Variants in DIAPH3 observed in about 807,000 individuals in gnomAD.
DIAPH3 encodes diaphanous related formin 3.
A neutral mutation model predicts 144.3 loss-of-function variants in DIAPH3; 117 were observed. The ratio of observed to expected loss-of-function variants is 0.81; its 90% CI spans 0.70 to 0.95. The LOEUF is 0.95. DIAPH3 is among the 40% of genes least tolerant of loss of function. The pLI, the probability that DIAPH3 is intolerant of heterozygous loss-of-function variation, is 0.00. For missense variants in DIAPH3, 1,421 were observed against 1,412.7 expected, an observed-to-expected ratio of 1.01 and a Z score of -0.09; for synonymous variants, 519 against 488.9, an observed-to-expected ratio of 1.06 and a Z score of -0.81.
intron 17 of DIAPH3, among the ~76,000 whole-genome samples, chr13:59,959,120 C>A (rs760923616): frequency 3.3e-5 from 5 of 152,122 alleles, no homozygotes; most frequent in African/African-American, 4.8e-5. Flanking sequence ...AGGTGCTCCA[C>A]CCACCTCAGC....
chr13:59,812,153 C>T (rs1034116120), intron 24 of DIAPH3, among the ~76,000 whole-genome samples: 1 of 152,048 alleles, frequency 6.6e-6, no homozygotes, highest in Non-Finnish European at 1.5e-5. Context: ...ACAAGTTCTT[C>T]ATTAAAAATC....
intron 15 of DIAPH3, among the ~76,000 whole-genome samples, chr13:59,973,298 T>C (rs2050491607): frequency 6.6e-6 from 1 of 152,078 alleles, no homozygotes; most frequent in South Asian, 2.1e-4. Context: ...AGTTCTTAAA[T>C]TTACGTTACC....
chr13:59,940,396 T>A (rs930335649), intron 17 of DIAPH3, among the ~76,000 whole-genome samples: 8 of 152,076 alleles, frequency 5.3e-5, no homozygotes, highest in African/African-American at 1.7e-4. Flanking sequence ...TGTCAGAAAG[T>A]AAAAGTTTTT....
chr13:60,126,314 A>G (rs1197977539), intron 2 of DIAPH3, among the ~76,000 whole-genome samples: 1 of 152,236 alleles, frequency 6.6e-6, no homozygotes, highest in African/African-American at 2.4e-5. Context: ...AAGAAGCAGC[A>G]TATGATTATA....
chr13:59,833,070 TA>T (rs749732852), intron 24 of DIAPH3, 36 bp downstream of exon 24: 176 of 1,520,226 alleles, frequency 1.2e-4, no homozygotes, highest in Middle Eastern at 3.7e-4. Context: ...ATAGTATAAA[TA>T]AAAAAACTTT....
chr13:59,714,186 C>T (rs986495078), intron 27 of DIAPH3, among the ~76,000 whole-genome samples: 5 of 151,652 alleles, frequency 3.3e-5, no homozygotes, highest in African/African-American at 7.3e-5. Flanking sequence ...CGGTGAAACC[C>T]CGTCTCTACT....
intron 7 of DIAPH3, among the ~76,000 whole-genome samples, chr13:60,011,523 C>A (rs918738116): frequency 6.6e-6 from 1 of 152,082 alleles, no homozygotes; most frequent in African/African-American, 2.4e-5. Flanking sequence ...AACATATAAC[C>A]AATATAAAAC....
chr13:59,981,414 A>C (rs577600475), intron 13 of DIAPH3, among the ~76,000 whole-genome samples: 8 of 151,444 alleles, frequency 5.3e-5, no homozygotes, highest in African/African-American at 1.9e-4. Flanking sequence ...ATATATACTA[A>C]AATTGTAAAT....
chr13:59,764,274 A>G (rs1053336409), intron 27 of DIAPH3, among the ~76,000 whole-genome samples: 46 of 151,908 alleles, frequency 3.0e-4, no homozygotes, highest in African/African-American at 1.1e-3. Context: ...GAGGCAGTAT[A>G]GCATAATGGT....
At chr13:59,856,750 G>A (rs2043276626) in intron 22 of DIAPH3, among the ~76,000 whole-genome samples, 1 of 152,154 alleles carries the variant, frequency 6.6e-6, no homozygotes, top group Non-Finnish European at 1.5e-5. Context: ...AGTACAGCTT[G>A]TAACAGTTAG....
At chr13:59,827,751 T>C (rs1054167839) in intron 24 of DIAPH3, among the ~76,000 whole-genome samples, 1 of 151,884 alleles carries the variant, frequency 6.6e-6, no homozygotes, top group African/African-American at 2.4e-5. Context: ...TAGATCAAAA[T>C]CCTCTAATAT....
At chr13:59,939,548 G>A (rs74651818) in intron 17 of DIAPH3, among the ~76,000 whole-genome samples, 8 of 151,986 alleles carry the variant, frequency 5.3e-5, no homozygotes, top group African/African-American at 9.7e-5. Context: ...GTTCTTTGTC[G>A]CATAAAGACA....
intron 24 of DIAPH3, among the ~76,000 whole-genome samples, chr13:59,815,720 C>G (rs1203893717): frequency 6.6e-6 from 1 of 151,968 alleles, no homozygotes; most frequent in Non-Finnish European, 1.5e-5. Flanking sequence ...CCTCCCAATG[C>G]GCTGGGATTA....
chr13:59,948,514 G>C (rs1241442168), intron 17 of DIAPH3, among the ~76,000 whole-genome samples: 1 of 152,142 alleles, frequency 6.6e-6, no homozygotes, highest in Non-Finnish European at 1.5e-5. Flanking sequence ...GCAGTGGTGT[G>C]ATCATAGCTT....
intron 3 of DIAPH3, among the ~76,000 whole-genome samples, chr13:60,110,080 T>C (rs959501792): frequency 5.3e-5 from 8 of 152,222 alleles, no homozygotes; most frequent in Admixed American, 1.3e-4. Context: ...GTTATTACAC[T>C]GTACTTCACA....
rs1447634481 is a variant in DIAPH3, at chr13:59,983,834, CT to C, written c.1414del (p.Arg472GlufsTer14). On this transcript the variant is annotated frameshift_variant, in exon 13 of 28. Transcript: ENST00000400324. LOFTEE classifies it high-confidence loss of function. The stretch of plus-strand genomic sequence containing the variant: ...TGTGAAGTCTGGATCCATTCCATCT[CT>C]ATGCAATACAATCTGGGATACACAC... The part of the protein sequence containing the change: ...DECVSQIVLH[R>X]DGMDPDFTYR... 1.9e-6 allele frequency: 3 copies of C among 1,610,122 alleles called. No homozygotes were observed. Among genetic ancestry groups the C allele is most frequent in the Non-Finnish European group, 2.5e-6 (3 of 1,177,450 alleles).
At chr13:59,878,937 A>AAT (rs770381102) in intron 21 of DIAPH3, among the ~76,000 whole-genome samples, 39 of 152,142 alleles carry the variant, frequency 2.6e-4, no homozygotes, top group Non-Finnish European at 4.3e-4. Context: ...CAGTATTAAT[A>AAT]ATATTTTGAC....
At chr13:59,927,430 G>A (rs1190177265) in intron 17 of DIAPH3, among the ~76,000 whole-genome samples, 1 of 152,006 alleles carries the variant, frequency 6.6e-6, no homozygotes, top group Non-Finnish European at 1.5e-5. Context: ...GTAGTTTGGT[G>A]GTTTTCTGTA....
chr13:59,817,559 T>C (rs1314960925), intron 24 of DIAPH3, among the ~76,000 whole-genome samples: 1 of 151,918 alleles, frequency 6.6e-6, no homozygotes, highest in Non-Finnish European at 1.5e-5. Context: ...ATCCATAGGG[T>C]AAAGGGAGGT....
Sources: gnomAD v4.1 joint callset for allele counts (sites outside exome capture counted in the v4.1 genomes callset) on GRCh38, gnomAD v4.1.1 for gene constraint, MANE v1.5 for transcripts, NCBI Gene and HGNC (gene_info 2026-07-23, HGNC 2026-07-21) for gene names.